CACNB4: variants seen among roughly 807,000 people sequenced by gnomAD.
CACNB4 encodes calcium voltage-gated channel auxiliary subunit beta 4.
A neutral mutation model predicts 71.2 loss-of-function variants in CACNB4; 32 were observed. That is an observed-to-expected ratio of 0.45 (90% CI 0.34 to 0.60). CACNB4 has a LOEUF of 0.60. Among genes scored for constraint, CACNB4 ranks in the 20% least tolerant of loss-of-function variants. The pLI, the probability that CACNB4 is intolerant of heterozygous loss-of-function variation, is 0.01. For synonymous variants in CACNB4, 231 were observed against 236.9 expected (o/e 0.97, Z 0.23); for missense variants, 464 against 647.9 (o/e 0.72, Z 3.08).
intron 2 of CACNB4, among the ~76,000 whole-genome samples, chr2:151,991,212 A>G (rs76740303): frequency 0.011 from 1,651 of 152,288 alleles, 26 homozygotes; most frequent in African/African-American, 0.038. Context: ...GCAGCTCATC[A>G]CCTTCTAACT....
intron 2 of CACNB4, among the ~76,000 whole-genome samples, chr2:151,952,652 A>C (rs1009667419): frequency 6.6e-6 from 1 of 152,246 alleles, no homozygotes; most frequent in African/African-American, 2.4e-5. Context: ...CAGCTAGTCC[A>C]GAACTTAATG....
At chr2:152,063,604 T>C (rs1686135780) in intron 2 of CACNB4, among the ~76,000 whole-genome samples, 1 of 152,172 alleles carries the variant, frequency 6.6e-6, no homozygotes, top group Non-Finnish European at 1.5e-5. Flanking sequence ...TTTGAAGAGT[T>C]TTCTGCATAT....
rs557839163 is a variant in CACNB4 at position 151,857,012 on chromosome 2, C to T, written c.869-1637G>A. The T allele has an allele frequency of 2.0e-5, 3 of 152,278 alleles. No homozygotes were observed. The South Asian group carries it at 6.2e-4, about 32-fold the overall frequency. 9.4% of individuals were successfully genotyped at this position (152,278 alleles called of 1,614,324 possible). On this transcript the variant is annotated intron_variant, in intron 10 of 13. Coordinates refer to ENST00000539935, the MANE Select transcript of CACNB4 (RefSeq NM_000726.5). ...ACAGGTGTGAGCCATTGTACCCGGCCTTAAACGACCCTAAAGATGGCCTAG... is the reference window on the plus strand; with the variant it reads ...ACAGGTGTGAGCCATTGTACCCGGCTTTAAACGACCCTAAAGATGGCCTAG...
At chr2:151,991,444 G>A in intron 2 of CACNB4, among the ~76,000 whole-genome samples, 1 of 152,202 alleles carries the variant, frequency 6.6e-6, no homozygotes, top group East Asian at 1.9e-4. Flanking sequence ...CCTCTCACCT[G>A]AAGATGGAGC....
At position 152,007,116 on chromosome 2, in the gene CACNB4, T is replaced by C. The variant is rs565029924; in HGVS notation, c.147+91214A>G. On this transcript the variant is annotated intron_variant, in intron 2 of 13. Coordinates refer to ENST00000539935, the MANE Select transcript of CACNB4 (RefSeq NM_000726.5). Reference sequence around the variant, plus strand: ...TGTCAATAAGGCCTTACTGTTACCATTTTATCCCTCTCCGCTGACAACTCT... The same window carrying C: ...TGTCAATAAGGCCTTACTGTTACCACTTTATCCCTCTCCGCTGACAACTCT... Among the ~76,000 whole-genome samples, 58 of 152,334 alleles carry C rather than the reference T, an allele frequency of 3.8e-4. No individual in the cohort carries two copies. In the South Asian group the frequency reaches 5.4e-3, roughly 14 times the overall value.
Position 152,093,079 on chromosome 2 carries a change from T to C in CACNB4, c.147+5251A>G, listed in dbSNP as rs139667665. On this transcript the variant is annotated intron_variant, in intron 2 of 13. Transcript: ENST00000539935. ...ACTGAAACCAGGGAATGCAAAAATA[T>C]GGATGAGGGCCCCAATGTACATTAT... Among the ~76,000 whole-genome samples the C allele has an allele frequency of 4.3e-3, 659 of 152,266 alleles. 5 individuals are homozygous for C. Among genetic ancestry groups the C allele is most frequent in the Non-Finnish European group, 7.3e-3 (495 of 68,014 alleles).
rs1198628621 is a variant in CACNB4, at chr2:151,860,528, C to G, written c.868+183G>C. On this transcript the variant is annotated intron_variant, in intron 10 of 13. Coordinates refer to ENST00000539935, the MANE Select transcript of CACNB4 (RefSeq NM_000726.5). ...TAGCTAATTGACTAAAGCTGAGAGA[C>G]AGCAAGCTCTCGCTACTGCAAGACT... The G allele has an allele frequency of 6.6e-6, 4 of 609,404 alleles. No individual in the cohort carries two copies. In the Admixed American group the frequency reaches 9.2e-5, roughly 14 times the overall value. 37.7% of individuals were successfully genotyped at this position (609,404 alleles called of 1,614,324 possible). A position where few individuals can be genotyped will look rare whatever the true frequency, so the allele number is the denominator to read the frequency against.
chr2:151,902,032 CTTTTTTTTTTT>C (rs70974804), intron 2 of CACNB4, among the ~76,000 whole-genome samples: 43 of 130,214 alleles, frequency 3.3e-4, no homozygotes, highest in Non-Finnish European at 6.4e-4. Context: ...ACAACATCAC[CTTTTTTTTTTT>C]TTTTTTTTTT....
intron 2 of CACNB4, among the ~76,000 whole-genome samples, chr2:152,052,823 C>CA (rs924126511): frequency 7.6e-4 from 115 of 150,734 alleles, no homozygotes; most frequent in African/African-American, 1.6e-3. Context: ...ACTAAAAATA[C>CA]AAAAAAAAAT....
intron 5 of CACNB4, chr2:151,873,479 C>T (rs1414635399): frequency 6.6e-6 from 1 of 152,154 alleles, no homozygotes; most frequent in Admixed American, 6.5e-5. Context: ...TATGGATGCT[C>T]AGCTTATACC....
chr2:151,880,791 T>G lies in CACNB4; in HGVS notation c.390+9A>C, dbSNP rs2099847625. 5 of 1,607,990 alleles carry G rather than the reference T, an allele frequency of 3.1e-6. No individual in the cohort carries two copies. The South Asian group carries it at 4.5e-5, about 14-fold the overall frequency. On this transcript the variant is annotated intron_variant, in intron 4 of 13. Transcript: ENST00000539935. ...GCAGGTGAAGGGATGCAGTATGTTC[T>G]ACATTTACCTCTTTAATATGTAGAA...
intron 2 of CACNB4, among the ~76,000 whole-genome samples, chr2:152,097,543 AT>A (rs1370793651): frequency 6.6e-6 from 1 of 152,172 alleles, no homozygotes; most frequent in Non-Finnish European, 1.5e-5. Context: ...GGGTGGTTTC[AT>A]TAACAGCACA....
chr2:151,961,032 A>G (rs2099869519), intron 2 of CACNB4, among the ~76,000 whole-genome samples: 1 of 152,190 alleles, frequency 6.6e-6, no homozygotes, highest in Admixed American at 6.5e-5. Context: ...CTTGGCCTCC[A>G]AGCTACTATC....
At chr2:151,911,806 T>C (rs751744222) in intron 2 of CACNB4, among the ~76,000 whole-genome samples, 7 of 152,210 alleles carry the variant, frequency 4.6e-5, no homozygotes, top group Non-Finnish European at 8.8e-5. Context: ...CGTCTGGTCC[T>C]GGGCTTTTTT....
At chr2:151,969,739 A>T (rs2099872027) in intron 2 of CACNB4, 1 of 152,260 alleles carries the variant, frequency 6.6e-6, no homozygotes, top group African/African-American at 2.4e-5. Context: ...AGCTATTCTT[A>T]TAATAATGTG....
intron 2 of CACNB4, among the ~76,000 whole-genome samples, chr2:152,036,680 G>A (rs1684613746): frequency 6.6e-6 from 1 of 152,142 alleles, no homozygotes; most frequent in South Asian, 2.1e-4. Context: ...TTTCAGTGAG[G>A]ATGTCGACCT....
At chr2:151,895,133 C>T (rs1274334487) in intron 2 of CACNB4, among the ~76,000 whole-genome samples, 1 of 126,608 alleles carries the variant, frequency 7.9e-6, no homozygotes, top group African/African-American at 2.6e-5. Flanking sequence ...CACACACACA[C>T]ACACACACAC....
At chr2:151,867,347 T>C (rs2099843430) in intron 9 of CACNB4, 1 of 152,232 alleles carries the variant, frequency 6.6e-6, no homozygotes, top group South Asian at 2.1e-4. Flanking sequence ...CCAGCCCTAT[T>C]AAGTTACAAA....
At chr2:151,900,140 C>T (rs893226057) in intron 2 of CACNB4, among the ~76,000 whole-genome samples, 9 of 152,170 alleles carry the variant, frequency 5.9e-5, no homozygotes, top group Admixed American at 5.9e-4. Flanking sequence ...ATTTGGACAA[C>T]TCTGTAGTCA....
Sources: allele counts gnomAD v4.1 joint callset (sites outside exome capture counted in the v4.1 genomes callset), GRCh38; gene constraint gnomAD v4.1.1; transcripts MANE v1.5; gene names NCBI Gene and HGNC (gene_info 2026-07-23, HGNC 2026-07-21).